DCUN1D2: variants seen among roughly 807,000 people sequenced by gnomAD.
DCUN1D2 encodes DCN1-like protein 2.
DCUN1D2 carries 29 observed loss-of-function variants against 30.9 expected under a neutral mutation model. The ratio of observed to expected loss-of-function variants is 0.94; its 90% confidence interval spans 0.70 to 1.28. DCUN1D2 has a LOEUF of 1.28. Among genes scored for constraint, DCUN1D2 ranks in the 50% most tolerant of loss-of-function variants. The pLI is 0.00. For synonymous variants in DCUN1D2, 121 were observed against 115.3 expected, an observed-to-expected ratio of 1.05 and a Z score of -0.32; for missense variants, 325 against 316.9, an observed-to-expected ratio of 1.03 and a Z score of -0.19.
intron 2 of DCUN1D2, among the ~76,000 whole-genome samples, chr13:113,482,544 T>C (rs764556014): frequency 9.2e-5 from 14 of 152,214 alleles, no homozygotes; most frequent in Non-Finnish European, 1.6e-4. Context: ...ACTATGTTTC[T>C]GAGCCAAGAT....
intron 2 of DCUN1D2, 149 bp downstream of exon 2, chr13:113,483,691 T>G: frequency 2.9e-6 from 2 of 693,664 alleles, no homozygotes; most frequent in Non-Finnish European, 2.4e-6. Context: ...AGCAAGTGGA[T>G]TCTGCAGCTG....
rs1342533536 is a variant in DCUN1D2, at chr13:113,484,023, G to A, written c.37C>T (p.Arg13Cys). ...KLKSSQKDKVRQFMACTQAGE... is the reference protein window; with the variant it reads ...KLKSSQKDKVCQFMACTQAGE... ...GCCTGAGTGCACGCCATAAACTGGCGGACCTTGTCCTTCTGAGACGATTTA... is the reference window on the plus strand; with the variant it reads ...GCCTGAGTGCACGCCATAAACTGGCAGACCTTGTCCTTCTGAGACGATTTA... The change falls in exon 2 of 7, where the codon CGC becomes TGC. Residue 13 changes from arginine to cysteine, a missense_variant. Arg to Cys is a radical substitution (Grantham distance 180). Coordinates refer to ENST00000478244, the MANE Select transcript of DCUN1D2 (RefSeq NM_001014283.2). The A allele has an allele frequency of 3.7e-6, 6 of 1,614,060 alleles. No homozygotes were observed. Among genetic ancestry groups the A allele is most frequent in the Non-Finnish European group, 5.1e-6 (6 of 1,180,038 alleles).
intron 4 of DCUN1D2, 87 bp downstream of exon 4, chr13:113,474,037 A>G: frequency 6.6e-7 from 1 of 1,521,110 alleles, no homozygotes; most frequent in Non-Finnish European, 8.9e-7. Flanking sequence ...AAAACATTAC[A>G]GTTGGCTGCA....
At position 113,456,062 on chromosome 13, in the gene DCUN1D2, A is replaced by G; in HGVS notation, c.*1967T>C. The G allele has an allele frequency of 2.5e-6, 1 of 397,488 alleles. No individual in the cohort carries two copies. Among genetic ancestry groups the G allele is most frequent in the East Asian group, 3.6e-5 (1 of 28,062 alleles). The allele number at this position is 397,488 out of a possible 1,614,324, so 24.6% of individuals were successfully genotyped here. On this transcript the variant is annotated 3_prime_UTR_variant, in exon 7 of 7. Coordinates refer to ENST00000478244, the MANE Select transcript of DCUN1D2 (RefSeq NM_001014283.2). ...AAACTTTTCTGAACAAAACAATTACATGTCAAGAATCCATGAAGCCTGGAA... is the reference window on the plus strand; with the variant it reads ...AAACTTTTCTGAACAAAACAATTACGTGTCAAGAATCCATGAAGCCTGGAA...
Position 113,460,089 on chromosome 13 carries a change from T to C in DCUN1D2, c.604-681A>G, listed in dbSNP as rs575137505. ...AAGGGGGCTGTGGGCACAGCATTAC[T>C]GACCTCTGGATATTTCGAGAGAAGT... On this transcript the variant is annotated intron_variant, in intron 5 of 6. Coordinates refer to ENST00000478244, the MANE Select transcript of DCUN1D2 (RefSeq NM_001014283.2). 4.1e-4 allele frequency among the ~76,000 whole-genome samples: 62 copies of C among 152,372 alleles called. 1 individual carries two copies. Among genetic ancestry groups the C allele is most frequent in the African/African-American group, 1.3e-3 (56 of 41,594 alleles).
At chr13:113,464,098 G>C (rs185972047) in intron 4 of DCUN1D2, among the ~76,000 whole-genome samples, 29 of 152,286 alleles carry the variant, frequency 1.9e-4, no homozygotes, top group Admixed American at 7.8e-4. Flanking sequence ...TAATCTATTT[G>C]AAGTGTTTAC....
At chr13:113,479,820 A>G (rs866472961) in intron 3 of DCUN1D2, among the ~76,000 whole-genome samples, 22 of 152,358 alleles carry the variant, frequency 1.4e-4, no homozygotes, top group African/African-American at 5.3e-4. Flanking sequence ...ATTATCAAGT[A>G]TTATATACTG....
intron 5 of DCUN1D2, 181 bp from the exon 6 acceptor site, chr13:113,459,589 G>A (rs958399938): frequency 2.2e-6 from 1 of 444,624 alleles, no homozygotes. Context: ...CAACGCTAAT[G>A]TCCAAATATA....
chr13:113,478,247 G>A (rs937570217), intron 3 of DCUN1D2, among the ~76,000 whole-genome samples: 20 of 151,886 alleles, frequency 1.3e-4, no homozygotes, highest in African/African-American at 4.1e-4. Context: ...CTATTAAGAT[G>A]TTCTATTTCT....
chr13:113,480,646 C>A lies in DCUN1D2; in HGVS notation c.318G>T (p.Ala106=), dbSNP rs569619683. 2.5e-6 allele frequency: 4 copies of A among 1,614,040 alleles called. No individual in the cohort carries two copies. In the South Asian group the frequency reaches 4.4e-5, roughly 18 times the overall value. The change falls in exon 3 of 7, where the codon GCG becomes GCT. Residue 106 remains alanine, a synonymous_variant. Coordinates refer to ENST00000478244, the MANE Select transcript of DCUN1D2 (RefSeq NM_001014283.2). ...ACTGAGTTGCTGCCCTGAACTTCCA[C>A]GCTATGACCAATACACTGATACTGG... The part of the protein sequence containing the change: ...DPASISVLVI[A]WKFRAATQCE...
intron 5 of DCUN1D2, 36 bp from the exon 6 acceptor site, chr13:113,459,444 T>G (rs370725292): frequency 2.9e-4 from 281 of 958,480 alleles, no homozygotes; most frequent in Non-Finnish European, 4.4e-4. Context: ...CCACCAGGTT[T>G]AAAATACAGA....
chr13:113,474,728 G>A (rs1286982509), intron 3 of DCUN1D2, among the ~76,000 whole-genome samples: 1 of 152,156 alleles, frequency 6.6e-6, no homozygotes, highest in Non-Finnish European at 1.5e-5. Context: ...CAGAGACGAG[G>A]TAATGGAAAG....
intron 3 of DCUN1D2, among the ~76,000 whole-genome samples, chr13:113,478,503 T>C (rs1409088679): frequency 6.6e-6 from 1 of 152,172 alleles, no homozygotes; most frequent in Non-Finnish European, 1.5e-5. Context: ...TGTAAATTAG[T>C]GCTTCTTTAA....
chr13:113,479,795 A>T (rs2044676363), intron 3 of DCUN1D2, among the ~76,000 whole-genome samples: 1 of 152,226 alleles, frequency 6.6e-6, no homozygotes, highest in Non-Finnish European at 1.5e-5. Context: ...ATAAGCTAGT[A>T]ACATAAGCCT....
At position 113,458,140 on chromosome 13, in the gene DCUN1D2, T is replaced by A. The variant is rs542880020; in HGVS notation, c.701-32A>T. 16 of 1,579,450 alleles carry A rather than the reference T, an allele frequency of 1.0e-5. No individual in the cohort carries two copies. The African/African-American group carries it at 1.6e-4, about 16-fold the overall frequency. On this transcript the variant is annotated intron_variant, in intron 6 of 6. Transcript: ENST00000478244. Reference sequence around the variant, plus strand: ...GAAAGCAAGCAAACAGAAAACCCGTTAGAGCACCGTTTTTATCTCCAAAGC... The same window carrying A: ...GAAAGCAAGCAAACAGAAAACCCGTAAGAGCACCGTTTTTATCTCCAAAGC...
chr13:113,469,847 T>A (rs992339443), intron 4 of DCUN1D2, among the ~76,000 whole-genome samples: 5 of 151,538 alleles, frequency 3.3e-5, no homozygotes, highest in African/African-American at 1.2e-4. Flanking sequence ...TCGAAATAAA[T>A]CAAAAACTTT....
intron 6 of DCUN1D2, among the ~76,000 whole-genome samples, chr13:113,458,679 A>G (rs2044267404): frequency 6.6e-6 from 1 of 152,224 alleles, no homozygotes; most frequent in African/African-American, 2.4e-5. Context: ...TGGAGGACAC[A>G]AAGAGAAGCA....
intron 6 of DCUN1D2, among the ~76,000 whole-genome samples, chr13:113,458,723 C>T (rs9577554): frequency 0.17 from 25,713 of 152,152 alleles, 2,433 homozygotes; most frequent in Middle Eastern, 0.29. Context: ...ACGTAAACCA[C>T]CCGTTAAAGG....
intron 3 of DCUN1D2, 51 bp from the exon 4 acceptor site, chr13:113,474,305 G>C: frequency 6.2e-7 from 1 of 1,602,440 alleles, no homozygotes; most frequent in South Asian, 1.1e-5. Context: ...CTCCCTAGTC[G>C]ACTCCCCTTG....
Sources: allele counts gnomAD v4.1 joint callset (sites outside exome capture counted in the v4.1 genomes callset), GRCh38; gene constraint gnomAD v4.1.1; transcripts MANE v1.5; gene names NCBI Gene and HGNC (gene_info 2026-07-23, HGNC 2026-07-21).